Variants in SEMA3C observed in about 807,000 individuals in gnomAD.
SEMA3C encodes semaphorin-3C.
A neutral mutation model predicts 89.4 loss-of-function variants in SEMA3C; 47 were observed. That is an observed-to-expected ratio of 0.53 (90% CI 0.42 to 0.67). The LOEUF is 0.67. Among genes scored for constraint, SEMA3C ranks in the 30% least tolerant of loss-of-function variants. The pLI is 0.00. For synonymous variants in SEMA3C, 310 were observed against 320.2 expected, an observed-to-expected ratio of 0.97 and a Z score of 0.34; for missense variants, 839 against 929.1, an observed-to-expected ratio of 0.90 and a Z score of 1.26.
chr7:80,813,566 A>T (rs1265244909), intron 5 of SEMA3C, among the ~76,000 whole-genome samples: 2 of 152,224 alleles, frequency 1.3e-5, no homozygotes, highest in Non-Finnish European at 2.9e-5. Flanking sequence ...TTATATTGAT[A>T]TATCCACTAA....
rs538113893 is a variant in SEMA3C at position 80,891,820 on chromosome 7, C to T, written c.103+24859G>A. ...AGATTATATAAAGTATCTTAATTTC[C>T]CTAAATGAAGATTGTTTTTCCATGC... is the stretch of plus-strand genomic sequence containing the variant. On this transcript the variant is annotated intron_variant, in intron 2 of 17. Transcript: ENST00000265361. 8.4e-4 allele frequency among the ~76,000 whole-genome samples: 128 copies of T among 151,912 alleles called. 1 individual carries two copies. The highest frequency in any genetic ancestry group is 6.7e-3 in the Admixed American group (102 of 15,264).
At chr7:80,812,201 C>G (rs140878380) in intron 5 of SEMA3C, among the ~76,000 whole-genome samples, 3 of 152,180 alleles carry the variant, frequency 2.0e-5, no homozygotes, top group African/African-American at 7.2e-5. Context: ...GCAGGACCTC[C>G]CTAAACATAA....
At chr7:80,765,295 C>T in intron 12 of SEMA3C, 52 bp from the exon 13 acceptor site, 3 of 1,356,478 alleles carry the variant, frequency 2.2e-6, no homozygotes, top group Non-Finnish European at 3.1e-6. Context: ...TAAAAGAAAG[C>T]TATTTAGACA....
At chr7:80,869,761 G>T (rs1482845634) in intron 2 of SEMA3C, among the ~76,000 whole-genome samples, 1 of 151,872 alleles carries the variant, frequency 6.6e-6, no homozygotes, top group Non-Finnish European at 1.5e-5. Flanking sequence ...CTAGTTTCTG[G>T]GGTTCAGACC....
intron 2 of SEMA3C, among the ~76,000 whole-genome samples, chr7:80,882,244 C>T (rs1023281243): frequency 2.6e-4 from 40 of 152,098 alleles, no homozygotes; most frequent in African/African-American, 7.2e-4. Context: ...AAATCTCAAC[C>T]TCAATTAATA....
intron 8 of SEMA3C, among the ~76,000 whole-genome samples, chr7:80,803,447 T>C (rs895621483): frequency 2.6e-5 from 4 of 152,166 alleles, no homozygotes; most frequent in Non-Finnish European, 2.9e-5. Context: ...AGTATTATAA[T>C]ATATAAACTA....
At chr7:80,749,137 G>C in intron 16 of SEMA3C, 109 bp from the exon 17 acceptor site, 8 of 1,158,872 alleles carry the variant, frequency 6.9e-6, no homozygotes, top group Non-Finnish European at 9.2e-6. Context: ...ACAAAATTGT[G>C]AACAACTATC....
At chr7:80,866,574 C>T (rs1583958866) in intron 2 of SEMA3C, among the ~76,000 whole-genome samples, 1 of 152,064 alleles carries the variant, frequency 6.6e-6, no homozygotes, top group South Asian at 2.1e-4. Flanking sequence ...GACGGCTATG[C>T]ATAATTATAA....
chr7:80,853,450 G>A (rs1255035127), intron 2 of SEMA3C, among the ~76,000 whole-genome samples: 1 of 152,156 alleles, frequency 6.6e-6, no homozygotes. Flanking sequence ...AAAAGAATGC[G>A]ATCCTGTCAT....
chr7:80,756,463 C>T (rs1788069165), intron 15 of SEMA3C, among the ~76,000 whole-genome samples: 1 of 152,160 alleles, frequency 6.6e-6, no homozygotes, highest in Non-Finnish European at 1.5e-5. Context: ...TACCCCAGGG[C>T]TTCAATGCAA....
chr7:80,756,766 T>C (rs1333860995), intron 15 of SEMA3C, among the ~76,000 whole-genome samples: 1 of 152,168 alleles, frequency 6.6e-6, no homozygotes, highest in Non-Finnish European at 1.5e-5. Context: ...CTTGGTGCCA[T>C]TCCACATGAA....
chr7:80,768,938 A>G (rs1212722036), intron 12 of SEMA3C, among the ~76,000 whole-genome samples: 2 of 152,218 alleles, frequency 1.3e-5, no homozygotes, highest in Admixed American at 6.5e-5. Context: ...ATGTTATCAT[A>G]GAAAGCATTT....
At chr7:80,822,120 A>C (rs1437421649) in intron 4 of SEMA3C, among the ~76,000 whole-genome samples, 1 of 152,212 alleles carries the variant, frequency 6.6e-6, no homozygotes, top group Non-Finnish European at 1.5e-5. Context: ...TATGCGAGGC[A>C]CTACATATGG....
At chr7:80,791,448 C>T (rs1046869945) in intron 11 of SEMA3C, among the ~76,000 whole-genome samples, 1 of 152,136 alleles carries the variant, frequency 6.6e-6, no homozygotes, top group South Asian at 2.1e-4. Context: ...ACAGCACTAT[C>T]GTGTTGGTTT....
At chr7:80,910,654 CT>C (rs777385675) in intron 2 of SEMA3C, among the ~76,000 whole-genome samples, 6,874 of 130,916 alleles carry the variant, frequency 0.053, 170 homozygotes, top group South Asian at 0.07. Context: ...AATGCTCGTT[CT>C]TTTTTTTTTT....
At chr7:80,789,676 ATTATGTT>A in intron 11 of SEMA3C, 148 bp from the exon 12 acceptor site, 2 of 621,034 alleles carry the variant, frequency 3.2e-6, no homozygotes. Flanking sequence ...AAATAACATG[ATTATGTT>A]TTACTATCTG....
chr7:80,751,232 C>G (rs1221164581), intron 16 of SEMA3C, 37 bp downstream of exon 16: 1 of 1,518,450 alleles, frequency 6.6e-7, no homozygotes, highest in Admixed American at 1.7e-5. Flanking sequence ...AGCATTGCTA[C>G]TGTTCACTGA....
chr7:80,790,142 G>A (rs1031853397), intron 11 of SEMA3C, among the ~76,000 whole-genome samples: 8 of 152,038 alleles, frequency 5.3e-5, no homozygotes, highest in Admixed American at 2.0e-4. Context: ...AAATTAGCTA[G>A]GTGTGGCTGT....
intron 12 of SEMA3C, among the ~76,000 whole-genome samples, chr7:80,775,255 A>G (rs1788521225): frequency 6.6e-6 from 1 of 152,158 alleles, no homozygotes; most frequent in Non-Finnish European, 1.5e-5. Context: ...TCCAAAAGGA[A>G]TGAGAACCCG....
Sources: allele counts gnomAD v4.1 joint callset (sites outside exome capture counted in the v4.1 genomes callset), GRCh38; gene constraint gnomAD v4.1.1; transcripts MANE v1.5; gene names NCBI Gene and HGNC (gene_info 2026-07-23, HGNC 2026-07-21).